The following GPC5 variants were observed in gnomAD, a reference collection of about 807,000 sequenced individuals.
The protein encoded by GPC5 is glypican-5.
GPC5 carries 47 observed loss-of-function variants against 53.9 expected under a neutral mutation model. The ratio of observed to expected loss-of-function variants is 0.87; its 90% confidence interval spans 0.69 to 1.11. The LOEUF (loss-of-function observed/expected upper bound fraction) is 1.11. Among genes scored for constraint, GPC5 ranks in the 50% most tolerant of loss-of-function variants. The pLI is 0.00. For missense variants in GPC5, 748 were observed against 713.1 expected, an observed-to-expected ratio of 1.05 and a Z score of -0.56; for synonymous variants, 286 against 263.3, an observed-to-expected ratio of 1.09 and a Z score of -0.84.
intron 6 of GPC5, among the ~76,000 whole-genome samples, chr13:92,032,042 A>G (rs1445489960): frequency 7.3e-6 from 1 of 136,538 alleles, no homozygotes; most frequent in Non-Finnish European, 1.5e-5. Flanking sequence ...ATAAAAATTT[A>G]TATATATAAA....
At chr13:92,073,035 A>T (rs2041225764) in intron 6 of GPC5, among the ~76,000 whole-genome samples, 1 of 106,982 alleles carries the variant, frequency 9.3e-6, no homozygotes, top group South Asian at 3.9e-4. Flanking sequence ...ACTTAAACCT[A>T]CCTCTTTTTC....
chr13:92,285,506 G>T (rs1321318264), intron 7 of GPC5, among the ~76,000 whole-genome samples: 1 of 152,006 alleles, frequency 6.6e-6, no homozygotes, highest in Non-Finnish European at 1.5e-5. Flanking sequence ...CAATGCTACA[G>T]TAACCAAAAC....
At chr13:91,984,234 A>C (rs1457104811) in intron 6 of GPC5, among the ~76,000 whole-genome samples, 1 of 152,176 alleles carries the variant, frequency 6.6e-6, no homozygotes, top group Non-Finnish European at 1.5e-5. Flanking sequence ...CTGCACTGGC[A>C]GTTATTGTAG....
intron 6 of GPC5, among the ~76,000 whole-genome samples, chr13:92,022,948 T>C (rs972495482): frequency 2.0e-5 from 3 of 152,118 alleles, no homozygotes; most frequent in Non-Finnish European, 4.4e-5. Context: ...AGTGCTTCTT[T>C]ATACAGAGTA....
chr13:91,434,701 A>C lies in GPC5; in HGVS notation c.164-14060A>C, dbSNP rs568644180. Among the ~76,000 whole-genome samples the C allele has an allele frequency of 2.6e-5, 4 of 152,278 alleles. No individual in the cohort carries two copies. In the East Asian group the frequency reaches 7.7e-4, roughly 29 times the overall value. On this transcript the variant is annotated intron_variant, in intron 1 of 7. Transcript: ENST00000377067. ...TTTGGTTGCATATGAACTTTAAAGT[A>C]GTTTTTTTCCAATTCTGTGAAGAAA...
intron 7 of GPC5, among the ~76,000 whole-genome samples, chr13:92,699,408 T>G (rs2139246493): frequency 6.8e-6 from 1 of 147,910 alleles, no homozygotes; most frequent in African/African-American, 2.5e-5. Flanking sequence ...TTTGAAGGGT[T>G]TTTTGTGTCT....
chr13:91,795,598 G>T (rs953080855), intron 5 of GPC5, among the ~76,000 whole-genome samples: 1 of 152,074 alleles, frequency 6.6e-6, no homozygotes, highest in African/African-American at 2.4e-5. Context: ...TTCTTCTAGG[G>T]TATCTTAGTT....
intron 2 of GPC5, among the ~76,000 whole-genome samples, chr13:91,455,710 A>C (rs1881493324): frequency 6.6e-6 from 1 of 152,098 alleles, no homozygotes; most frequent in African/African-American, 2.4e-5. Flanking sequence ...GCACATCCCA[A>C]GGCTTGCAGT....
At chr13:91,791,346 C>A (rs2037960953) in intron 5 of GPC5, among the ~76,000 whole-genome samples, 1 of 152,142 alleles carries the variant, frequency 6.6e-6, no homozygotes, top group South Asian at 2.1e-4. Context: ...CAGCCGCTAC[C>A]TAGATGCTCC....
At chr13:92,734,860 A>C (rs1370018389) in intron 7 of GPC5, among the ~76,000 whole-genome samples, 1 of 151,844 alleles carries the variant, frequency 6.6e-6, no homozygotes, top group South Asian at 2.1e-4. Flanking sequence ...AAAAGCATTC[A>C]CTTTGTTATT....
intron 6 of GPC5, among the ~76,000 whole-genome samples, chr13:92,012,893 G>A (rs569208877): frequency 2.6e-5 from 4 of 152,326 alleles, no homozygotes; most frequent in Admixed American, 2.6e-4. Context: ...GAGCATGCAT[G>A]TGAGTGAGTG....
chr13:91,579,581 G>C (rs1219920448), intron 2 of GPC5, among the ~76,000 whole-genome samples: 1 of 147,714 alleles, frequency 6.8e-6, no homozygotes, highest in Non-Finnish European at 1.5e-5. Flanking sequence ...AGCTCTTACA[G>C]TTGAGTTTGC....
At chr13:92,011,604 A>G (rs1424349062) in intron 6 of GPC5, among the ~76,000 whole-genome samples, 2 of 152,200 alleles carry the variant, frequency 1.3e-5, no homozygotes, top group Non-Finnish European at 2.9e-5. Flanking sequence ...AGGAGATGAT[A>G]TAATAATGTG....
intron 5 of GPC5, among the ~76,000 whole-genome samples, chr13:91,845,723 G>C (rs1279543837): frequency 2.0e-5 from 3 of 152,252 alleles, no homozygotes; most frequent in Non-Finnish European, 4.4e-5. Context: ...ATATTAAATA[G>C]TATTACCGTG....
intron 7 of GPC5, among the ~76,000 whole-genome samples, chr13:92,713,246 T>G (rs1258847592): frequency 1.3e-5 from 2 of 151,810 alleles, no homozygotes; most frequent in African/African-American, 4.8e-5. Flanking sequence ...GGCAAAAGAC[T>G]GAAGGGACAT....
chr13:92,716,099 G>T (rs534359581), intron 7 of GPC5, among the ~76,000 whole-genome samples: 10 of 152,104 alleles, frequency 6.6e-5, no homozygotes, highest in South Asian at 2.1e-4. Flanking sequence ...TCACCACTGA[G>T]ATCAGTGAAC....
At chr13:91,782,270 A>G (rs1412433740) in intron 5 of GPC5, among the ~76,000 whole-genome samples, 1 of 152,208 alleles carries the variant, frequency 6.6e-6, no homozygotes, top group Non-Finnish European at 1.5e-5. Context: ...TTTCTCATTC[A>G]AAAGTGAACG....
chr13:92,480,326 T>C (rs1354601858), intron 7 of GPC5, among the ~76,000 whole-genome samples: 2 of 152,136 alleles, frequency 1.3e-5, no homozygotes, highest in African/African-American at 2.4e-5. Context: ...TAAAGTGCAG[T>C]ATAATGTGCA....
chr13:91,512,894 T>A (rs1885306183), intron 2 of GPC5, among the ~76,000 whole-genome samples: 1 of 152,216 alleles, frequency 6.6e-6, no homozygotes, highest in Non-Finnish European at 1.5e-5. Context: ...CTTATCCAGC[T>A]TGGTTCTCAT....
Sources: allele counts gnomAD v4.1 joint callset (sites outside exome capture counted in the v4.1 genomes callset), GRCh38; gene constraint gnomAD v4.1.1; transcripts MANE v1.5; gene names NCBI Gene and HGNC (gene_info 2026-07-23, HGNC 2026-07-21).